NRG1: variants seen among roughly 807,000 people sequenced by gnomAD.
NRG1 encodes neuregulin 1, also known as pro-neuregulin-1, membrane-bound isoform.
A neutral mutation model predicts 63.8 loss-of-function variants in NRG1; 18 were observed. That is an observed-to-expected ratio of 0.28 (90% confidence interval 0.19 to 0.42). The LOEUF (loss-of-function observed/expected upper bound fraction) is 0.42. Ranked by LOEUF, NRG1 falls within the 10% of genes least tolerant of loss-of-function variation. The probability of loss-of-function intolerance (pLI) is 1.00; values close to 1 mark genes in which losing one functional copy is unlikely to be tolerated. For synonymous variants in NRG1, 302 were observed against 301.3 expected (o/e 1.00, Z -0.02); for missense variants, 762 against 814.7 (o/e 0.94, Z 0.79).
chr8:31,861,169 G>A (rs1182412533), intron 1 of NRG1, among the ~76,000 whole-genome samples: 3 of 152,088 alleles, frequency 2.0e-5, no homozygotes, highest in South Asian at 2.1e-4. Context: ...CTGTGCTACC[G>A]AAAAAACACT....
downstream of NRG1, among the ~76,000 whole-genome samples, chr8:32,769,755 G>A (rs4352805): frequency 0.87 from 131,726 of 152,150 alleles, 57,306 homozygotes; most frequent in Middle Eastern, 0.92. Flanking sequence ...AAGCTGCAAT[G>A]TTCCTAACCT....
At chr8:32,446,379 G>T (rs1820245362) in intron 1 of NRG1, among the ~76,000 whole-genome samples, 1 of 152,146 alleles carries the variant, frequency 6.6e-6, no homozygotes, top group Non-Finnish European at 1.5e-5. Flanking sequence ...TCTTGACTAG[G>T]CACGATGGCT....
At chr8:32,043,224 A>T (rs900545846) in intron 1 of NRG1, among the ~76,000 whole-genome samples, 1 of 152,094 alleles carries the variant, frequency 6.6e-6, no homozygotes, top group Non-Finnish European at 1.5e-5. Context: ...GTGGAGAAAA[A>T]TCTATTTAAA....
intron 1 of NRG1, among the ~76,000 whole-genome samples, chr8:31,901,563 A>T (rs1354183125): frequency 6.6e-6 from 1 of 152,180 alleles, no homozygotes; most frequent in Non-Finnish European, 1.5e-5. Flanking sequence ...AAGGCCAAAG[A>T]TCCATTTTAA....
intron 1 of NRG1, among the ~76,000 whole-genome samples, chr8:31,898,381 C>T (rs1160598302): frequency 6.6e-6 from 1 of 152,098 alleles, no homozygotes; most frequent in Non-Finnish European, 1.5e-5. Context: ...CAGAGTAATT[C>T]CCATGACATA....
chr8:32,117,997 C>T (rs777559068), intron 1 of NRG1, among the ~76,000 whole-genome samples: 9 of 152,094 alleles, frequency 5.9e-5, no homozygotes, highest in Non-Finnish European at 1.2e-4. Flanking sequence ...CAGTATTTCT[C>T]AAAATCATTT....
chr8:32,298,243 C>G (rs2129474812), intron 1 of NRG1, among the ~76,000 whole-genome samples: 1 of 152,212 alleles, frequency 6.6e-6, no homozygotes, highest in East Asian at 1.9e-4. Context: ...GAAGACATCT[C>G]CAGTTTGGAA....
At chr8:32,635,930 T>C (rs1851259803) in intron 5 of NRG1, among the ~76,000 whole-genome samples, 1 of 152,138 alleles carries the variant, frequency 6.6e-6, no homozygotes, top group Non-Finnish European at 1.5e-5. Flanking sequence ...TTGATACTTT[T>C]TAGATGCCTT....
At chr8:32,672,093 G>A (rs1020770645) in intron 5 of NRG1, among the ~76,000 whole-genome samples, 4 of 151,688 alleles carry the variant, frequency 2.6e-5, no homozygotes, top group Non-Finnish European at 5.9e-5. Flanking sequence ...CGCCCAGGCT[G>A]GAGTGCAGTG....
chr8:32,193,226 T>G (rs1157800986), intron 1 of NRG1, among the ~76,000 whole-genome samples: 6 of 151,998 alleles, frequency 3.9e-5, no homozygotes, highest in Admixed American at 2.6e-4. Flanking sequence ...TAATAGCAAG[T>G]GAACACAGTG....
chr8:32,098,863 G>A (rs1309290990), intron 1 of NRG1: 1 of 152,212 alleles, frequency 6.6e-6, no homozygotes, highest in Non-Finnish European at 1.5e-5. Context: ...CAGGTGTTTA[G>A]CACTGACCTT....
At chr8:32,326,310 T>TC (rs1198925065) in intron 1 of NRG1, among the ~76,000 whole-genome samples, 16 of 145,734 alleles carry the variant, frequency 1.1e-4, no homozygotes, top group Non-Finnish European at 1.8e-4. Context: ...GCCCAGGCTT[T>TC]TTTTTTTTTT....
At chr8:32,428,632 C>G (rs193135567) in intron 1 of NRG1, among the ~76,000 whole-genome samples, 1 of 152,190 alleles carries the variant, frequency 6.6e-6, no homozygotes, top group East Asian at 1.9e-4. Context: ...TGTCCTCCAG[C>G]AAATTCCTAG....
chr8:32,597,315 T>G (rs11987530), intron 2 of NRG1, among the ~76,000 whole-genome samples: 7,702 of 152,256 alleles, frequency 0.051, 466 homozygotes, highest in African/African-American at 0.15. Context: ...AGAATTAAAT[T>G]TAATCTTATC....
At chr8:32,480,004 T>C (rs6468111) in intron 1 of NRG1, among the ~76,000 whole-genome samples, 94,637 of 151,878 alleles carry the variant, frequency 0.62, 29,716 homozygotes, top group East Asian at 0.79. Context: ...TTAGGATCAC[T>C]TAAAGACCCA....
rs73676717 is a variant in NRG1 at position 32,356,485 on chromosome 8, A to G, written c.38-239343A>G. On this transcript the variant is annotated intron_variant, in intron 1 of 10. Transcript: ENST00000519301. ...GTTTCCTTGTTGGGACCCCCCCCCCACCCGCCGGGCCCCACCCCGTTGATA... is the reference window on the plus strand; with the variant it reads ...GTTTCCTTGTTGGGACCCCCCCCCCGCCCGCCGGGCCCCACCCCGTTGATA... 1.1e-4 allele frequency among the ~76,000 whole-genome samples: 8 copies of G among 75,524 alleles called. 1 individual carries two copies. The highest frequency in any genetic ancestry group is 5.3e-4 in the Admixed American group (4 of 7,544). 49.5% of individuals were successfully genotyped at this position (75,524 alleles called of 152,430 possible).
intron 1 of NRG1, among the ~76,000 whole-genome samples, chr8:31,730,159 G>C (rs1252572260): frequency 2.0e-5 from 3 of 152,128 alleles, no homozygotes; most frequent in African/African-American, 2.4e-5. Context: ...TTAGATTCAG[G>C]AATGGAAATC....
intron 1 of NRG1, among the ~76,000 whole-genome samples, chr8:32,080,679 A>G (rs1344026314): frequency 6.6e-6 from 1 of 152,072 alleles, no homozygotes; most frequent in Non-Finnish European, 1.5e-5. Flanking sequence ...CAGACTCAGC[A>G]GATAGGAACA....
intron 1 of NRG1, among the ~76,000 whole-genome samples, chr8:32,045,264 A>G (rs2130739456): frequency 6.6e-6 from 1 of 152,052 alleles, no homozygotes; most frequent in East Asian, 1.9e-4. Flanking sequence ...ACTTAGACAT[A>G]AACCTAACAA....
Sources: allele counts gnomAD v4.1 joint callset (sites outside exome capture counted in the v4.1 genomes callset), GRCh38; gene constraint gnomAD v4.1.1; transcripts MANE v1.5; gene names NCBI Gene and HGNC (gene_info 2026-07-23, HGNC 2026-07-21).